The following FER variants were observed in gnomAD, a reference collection of about 807,000 sequenced individuals.
FER encodes the protein FER tyrosine kinase.
In FER, 63 loss-of-function variants were observed where a neutral mutation model predicts 111.0. The ratio of observed to expected loss-of-function variants is 0.57; its 90% CI spans 0.46 to 0.70. The LOEUF is 0.70. Ranked by LOEUF, FER falls within the 30% of genes least tolerant of loss-of-function variation. The pLI, the probability that FER is intolerant of heterozygous loss-of-function variation, is 0.00. For missense variants in FER, 914 were observed against 954.0 expected (o/e 0.96, Z 0.55); for synonymous variants, 327 against 313.9 (o/e 1.04, Z -0.44).
intron 13 of FER, among the ~76,000 whole-genome samples, chr5:109,016,102 A>G (rs1268075566): frequency 6.6e-6 from 1 of 151,974 alleles, no homozygotes; most frequent in African/African-American, 2.4e-5. Flanking sequence ...TTTTCCCTCT[A>G]TATCTGACCT....
At chr5:108,862,080 A>G (rs1026394092) in intron 5 of FER, among the ~76,000 whole-genome samples, 1 of 152,202 alleles carries the variant, frequency 6.6e-6, no homozygotes. Flanking sequence ...CTGTCAAAAC[A>G]TAACCTGAAA....
At chr5:109,184,544 T>TCTGCCCA (rs1398665603) in intron 18 of FER, among the ~76,000 whole-genome samples, 3 of 152,184 alleles carry the variant, frequency 2.0e-5, no homozygotes, top group African/African-American at 7.2e-5. Flanking sequence ...TTTATTGATC[T>TCTGCCCA]CTGCCCAGAT....
At chr5:109,102,959 G>T (rs868261068) in intron 17 of FER, among the ~76,000 whole-genome samples, 4 of 151,912 alleles carry the variant, frequency 2.6e-5, no homozygotes, top group African/African-American at 7.2e-5. Context: ...AATTTTACTT[G>T]ATGTAGAGTT....
intron 5 of FER, among the ~76,000 whole-genome samples, chr5:108,853,669 G>A (rs114847536): frequency 2.0e-5 from 3 of 152,198 alleles, no homozygotes; most frequent in Non-Finnish European, 4.4e-5. Flanking sequence ...CTATAACTGA[G>A]TTGATTGATA....
chr5:108,848,886 A>G (rs377223199), intron 5 of FER, among the ~76,000 whole-genome samples: 1 of 152,114 alleles, frequency 6.6e-6, no homozygotes, highest in South Asian at 2.1e-4. Flanking sequence ...TATGTCCGAA[A>G]AAATATTTAT....
rs540358816 is a variant in FER, at chr5:109,114,808, G to A, written c.2048+14289G>A. ...ATATCTATCTTTAATTTTCCTTTGA[G>A]ACTGTGATTCAAATCATTTCCACTC... On this transcript the variant is annotated intron_variant, in intron 17 of 19. Transcript: ENST00000281092. Among the ~76,000 whole-genome samples the A allele has an allele frequency of 7.2e-4, 109 of 152,110 alleles. 1 individual carries two copies. The highest frequency in any genetic ancestry group is 4.2e-3 in the South Asian group (20 of 4,816).
intron 16 of FER, chr5:109,052,034 G>A: frequency 1.9e-6 from 3 of 1,593,136 alleles, no homozygotes; most frequent in South Asian, 2.2e-5. Context: ...ACCTTACCAT[G>A]CTCTTCAATA....
intron 13 of FER, among the ~76,000 whole-genome samples, chr5:109,033,662 G>A (rs1769957975): frequency 6.6e-6 from 1 of 152,044 alleles, no homozygotes; most frequent in Admixed American, 6.6e-5. Flanking sequence ...TACCTAAGGG[G>A]GAGAGGGTTG....
At chr5:108,824,731 C>A (rs1580735640) in intron 3 of FER, among the ~76,000 whole-genome samples, 1 of 152,138 alleles carries the variant, frequency 6.6e-6, no homozygotes, top group African/African-American at 2.4e-5. Flanking sequence ...TACAATTTTA[C>A]AGAATTCACT....
intron 17 of FER, among the ~76,000 whole-genome samples, chr5:109,106,650 A>T (rs1748969484): frequency 6.6e-6 from 1 of 152,194 alleles, no homozygotes; most frequent in Admixed American, 6.5e-5. Flanking sequence ...TGGTATTTGT[A>T]TATGCAGTGC....
intron 9 of FER, among the ~76,000 whole-genome samples, chr5:108,887,218 T>C (rs1336641069): frequency 6.6e-6 from 1 of 151,736 alleles, no homozygotes; most frequent in Admixed American, 6.6e-5. Flanking sequence ...TGGAATTATA[T>C]TGAATGTTTA....
chr5:108,828,945 A>G (rs1759756296), intron 3 of FER, among the ~76,000 whole-genome samples: 1 of 152,158 alleles, frequency 6.6e-6, no homozygotes, highest in Non-Finnish European at 1.5e-5. Context: ...TTTTTTAAAA[A>G]AAGAAAAAGA....
At chr5:108,929,368 C>A (rs112773802) in intron 10 of FER, among the ~76,000 whole-genome samples, 6 of 152,210 alleles carry the variant, frequency 3.9e-5, no homozygotes, top group Admixed American at 2.6e-4. Context: ...AGTATAAATA[C>A]TTTATTAGAT....
At chr5:109,127,034 C>T (rs564047182) in intron 17 of FER, among the ~76,000 whole-genome samples, 1 of 152,136 alleles carries the variant, frequency 6.6e-6, no homozygotes. Flanking sequence ...CATGAAATCA[C>T]GTATTTCCAA....
chr5:108,974,807 CT>C (rs1761120903), intron 13 of FER, among the ~76,000 whole-genome samples: 1 of 152,140 alleles, frequency 6.6e-6, no homozygotes, highest in African/African-American at 2.4e-5. Flanking sequence ...CCTCTAGAAA[CT>C]GGAAAAGGCA....
rs145283888 is a variant in FER, at chr5:109,190,597, A to G, written c.*3022A>G. The G allele has an allele frequency of 1.0e-3, 152 of 152,312 alleles. 2 individuals carry two copies. The highest frequency in any genetic ancestry group is 3.3e-3 in the African/African-American group (136 of 41,584). 9.4% of individuals were successfully genotyped at this position (152,312 alleles called of 1,614,324 possible). On this transcript the variant is annotated 3_prime_UTR_variant, in exon 20 of 20. Coordinates refer to ENST00000281092, the MANE Select transcript of FER (RefSeq NM_005246.4). ...TTGCATTCCATGTAATCTAAGGCCA[A>G]AGCCAACATATTCTTTCTCTTCTGG...
intron 16 of FER, among the ~76,000 whole-genome samples, chr5:109,056,118 G>A (rs940489545): frequency 2.0e-5 from 3 of 152,070 alleles, no homozygotes; most frequent in African/African-American, 7.2e-5. Context: ...GTACACTGTC[G>A]GTAGGAATGA....
chr5:109,141,743 A>C (rs1317297721), intron 17 of FER, among the ~76,000 whole-genome samples: 1 of 152,204 alleles, frequency 6.6e-6, no homozygotes, highest in East Asian at 1.9e-4. Flanking sequence ...TCACTGACTA[A>C]GTCAAGTTAC....
At chr5:109,101,729 TAAA>T in intron 17 of FER, among the ~76,000 whole-genome samples, 1 of 152,132 alleles carries the variant, frequency 6.6e-6, no homozygotes, top group Non-Finnish European at 1.5e-5. Flanking sequence ...AGAATTGACT[TAAA>T]AAGCATTTGA....
Sources: allele counts gnomAD v4.1 joint callset (sites outside exome capture counted in the v4.1 genomes callset), GRCh38; gene constraint gnomAD v4.1.1; transcripts MANE v1.5; gene names NCBI Gene and HGNC (gene_info 2026-07-23, HGNC 2026-07-21).